SLC41A2: variants seen among roughly 807,000 people sequenced by gnomAD.
SLC41A2 encodes the protein SLC41A1-like 1.
In SLC41A2, 32 loss-of-function variants were observed where a neutral mutation model predicts 58.3. The ratio of observed to expected loss-of-function variants is 0.55; its 90% CI spans 0.41 to 0.74. SLC41A2 has a LOEUF of 0.74. Ranked by LOEUF, SLC41A2 falls within the 30% of genes least tolerant of loss-of-function variation. SLC41A2 has a pLI of 0.00. For synonymous variants in SLC41A2, 190 were observed against 235.0 expected, an observed-to-expected ratio of 0.81 and a Z score of 1.75; for missense variants, 514 against 680.6, an observed-to-expected ratio of 0.76 and a Z score of 2.72.
intron 8 of SLC41A2, among the ~76,000 whole-genome samples, chr12:104,849,059 A>G (rs570915225): frequency 2.6e-5 from 4 of 152,332 alleles, no homozygotes; most frequent in African/African-American, 9.6e-5. Context: ...ATGCACAAAA[A>G]TAAATTCCAC....
At chr12:104,813,114 G>C (rs1267030247) in intron 10 of SLC41A2, among the ~76,000 whole-genome samples, 1 of 152,128 alleles carries the variant, frequency 6.6e-6, no homozygotes, top group African/African-American at 2.4e-5. Context: ...AAGAGGTGGA[G>C]GTGGCAGTGA....
intron 10 of SLC41A2, among the ~76,000 whole-genome samples, chr12:104,810,752 G>C (rs1362007288): frequency 6.6e-6 from 1 of 152,238 alleles, no homozygotes. Flanking sequence ...CTATGTAGTT[G>C]TCACAGAGAG....
chr12:104,807,026 T>G (rs1398795077), intron 10 of SLC41A2, among the ~76,000 whole-genome samples: 1 of 152,262 alleles, frequency 6.6e-6, no homozygotes, highest in Middle Eastern at 3.2e-3. Context: ...GCTTGTTCAC[T>G]CTGATGGTAG....
At chr12:104,921,894 A>G (rs2046613226) in intron 2 of SLC41A2, among the ~76,000 whole-genome samples, 1 of 152,194 alleles carries the variant, frequency 6.6e-6, no homozygotes, top group Non-Finnish European at 1.5e-5. Flanking sequence ...GTTAAAGTGT[A>G]GAGTTTCTTA....
chr12:104,875,787 C>G (rs562496623), intron 6 of SLC41A2, among the ~76,000 whole-genome samples: 22 of 152,106 alleles, frequency 1.4e-4, no homozygotes, highest in African/African-American at 5.1e-4. Flanking sequence ...AGCAAGACCC[C>G]CATCTCTGAA....
chr12:104,872,667 T>C (rs780607503), intron 6 of SLC41A2, among the ~76,000 whole-genome samples: 46 of 151,398 alleles, frequency 3.0e-4, no homozygotes, highest in Non-Finnish European at 6.5e-4. Context: ...GAGGCGGAGG[T>C]TGCAGTGAGC....
At chr12:104,834,950 T>G (rs1000067864) in intron 10 of SLC41A2, among the ~76,000 whole-genome samples, 3 of 151,962 alleles carry the variant, frequency 2.0e-5, no homozygotes, top group Non-Finnish European at 4.4e-5. Flanking sequence ...AGGAATGGAG[T>G]AAGGTATCAG....
intron 2 of SLC41A2, among the ~76,000 whole-genome samples, chr12:104,910,540 C>T (rs1025944722): frequency 6.6e-6 from 1 of 152,114 alleles, no homozygotes; most frequent in South Asian, 2.1e-4. Context: ...ATGGAATAGA[C>T]CCCCTTCTCA....
chr12:104,890,951 C>T (rs1050070621), intron 4 of SLC41A2, among the ~76,000 whole-genome samples: 12 of 152,162 alleles, frequency 7.9e-5, no homozygotes, highest in Admixed American at 3.9e-4. Flanking sequence ...TTCTACCCTC[C>T]ATGGCCAGTC....
chr12:104,941,658 T>C (rs937406619), intron 1 of SLC41A2, among the ~76,000 whole-genome samples: 9 of 152,236 alleles, frequency 5.9e-5, no homozygotes, highest in African/African-American at 2.2e-4. Context: ...AAGAACTAAG[T>C]GGATTGCATA....
chr12:104,937,384 G>A (rs933164945), intron 1 of SLC41A2, among the ~76,000 whole-genome samples: 4 of 151,986 alleles, frequency 2.6e-5, no homozygotes, highest in Admixed American at 6.6e-5. Context: ...TTTACTATAC[G>A]TTTTCTATTT....
intron 10 of SLC41A2, among the ~76,000 whole-genome samples, chr12:104,827,684 G>T (rs1265130422): frequency 6.6e-6 from 1 of 152,076 alleles, no homozygotes; most frequent in Non-Finnish European, 1.5e-5. Flanking sequence ...ACTCCAAACG[G>T]TCAGGCAACC....
chr12:104,875,052 C>T (rs1468175240), intron 6 of SLC41A2, among the ~76,000 whole-genome samples: 1 of 152,102 alleles, frequency 6.6e-6, no homozygotes, highest in African/African-American at 2.4e-5. Context: ...TATTTCACCT[C>T]CTTTGTTAAA....
Position 104,862,537 on chromosome 12 carries a change from A to G in SLC41A2, c.1176-1167T>C, listed in dbSNP as rs116736800. Among the ~76,000 whole-genome samples the G allele has an allele frequency of 9.8e-3, 1,493 of 152,298 alleles. 22 individuals are homozygous for G. The highest frequency in any genetic ancestry group is 0.034 in the African/African-American group (1,404 of 41,574). On this transcript the variant is annotated intron_variant, in intron 7 of 10. Coordinates refer to ENST00000258538, the MANE Select transcript of SLC41A2 (RefSeq NM_001352171.3). ...GTTAAGCCCAGTGATAAAAGTTACT[A>G]TAGAAAAAATTAGAAAAGACAAAAT...
chr12:104,898,566 T>C (rs2045407950), intron 3 of SLC41A2, among the ~76,000 whole-genome samples: 1 of 151,730 alleles, frequency 6.6e-6, no homozygotes, highest in African/African-American at 2.4e-5. Flanking sequence ...AAACTATATG[T>C]ACATTTTTTT....
chr12:104,923,882 A>G (rs956697854), intron 2 of SLC41A2, among the ~76,000 whole-genome samples: 48 of 152,336 alleles, frequency 3.2e-4, no homozygotes, highest in African/African-American at 1.1e-3. Context: ...AGCTTCAACA[A>G]AGTAATGTAA....
At position 104,883,538 on chromosome 12, in the gene SLC41A2, C is replaced by T. The variant is rs2044495259; in HGVS notation, c.1027+2755G>A. The stretch of plus-strand genomic sequence containing the variant: ...CCTTTTTGTTGCTGTTGATGCTATT[C>T]ATTTCTGTTTGTTAGTTTTCCTTCT... On this transcript the variant is annotated intron_variant, in intron 6 of 10. Transcript: ENST00000258538. Among the ~76,000 whole-genome samples, 6 of 152,192 alleles carry T rather than the reference C, an allele frequency of 3.9e-5. No individual in the cohort carries two copies. The South Asian group carries it at 1.2e-3, about 31-fold the overall frequency.
At chr12:104,923,684 T>G (rs2046709793) in intron 2 of SLC41A2, among the ~76,000 whole-genome samples, 1 of 152,120 alleles carries the variant, frequency 6.6e-6, no homozygotes, top group Non-Finnish European at 1.5e-5. Context: ...AAGACTATTA[T>G]GAACAACTAT....
intron 1 of SLC41A2, among the ~76,000 whole-genome samples, chr12:104,950,840 A>G (rs2047925138): frequency 6.6e-6 from 1 of 151,600 alleles, no homozygotes; most frequent in Admixed American, 6.6e-5. Context: ...TTCTCGGTTT[A>G]AAAACCACTG....
Sources: allele counts gnomAD v4.1 joint callset (sites outside exome capture counted in the v4.1 genomes callset), GRCh38; gene constraint gnomAD v4.1.1; transcripts MANE v1.5; gene names NCBI Gene and HGNC (gene_info 2026-07-23, HGNC 2026-07-21).